Variants in NT5C1A observed in about 807,000 individuals in gnomAD.
The protein encoded by NT5C1A is 5'-nucleotidase, cytosolic IA.
Under a neutral mutation model 31.0 loss-of-function variants are expected in NT5C1A, and 18 were observed. The ratio of observed to expected loss-of-function variants is 0.58; its 90% CI spans 0.40 to 0.86. The LOEUF (loss-of-function observed/expected upper bound fraction) is 0.86, where lower values mean the gene tolerates loss of function less well. Ranked by LOEUF, NT5C1A falls within the 40% of genes least tolerant of loss-of-function variation. The pLI is 0.00. For missense variants in NT5C1A, 470 were observed against 505.4 expected, an observed-to-expected ratio of 0.93 and a Z score of 0.67; for synonymous variants, 185 against 203.6, an observed-to-expected ratio of 0.91 and a Z score of 0.78.
At chr1:39,668,542 G>GTTTCT (rs1400495841) in intron 1 of NT5C1A, among the ~76,000 whole-genome samples, 1 of 152,190 alleles carries the variant, frequency 6.6e-6, no homozygotes, top group African/African-American at 2.4e-5. Context: ...GGCCCAGAAA[G>GTTTCT]GGGCCTGTTA....
Position 39,665,532 on chromosome 1 carries a change from A to G in NT5C1A, c.422T>C (p.Ile141Thr). The G allele has an allele frequency of 6.2e-7, 1 of 1,612,868 alleles. No homozygotes were observed. The highest frequency in any genetic ancestry group is 8.5e-7 in the Non-Finnish European group (1 of 1,179,652). Residue 141 changes from isoleucine (I) to threonine (T), a missense_variant, in exon 3 of 6, where the codon ATC (isoleucine) becomes ACC (threonine). Transcript: ENST00000235628. Reference protein sequence around the residue: ...AQVGVRLINSINHYDLFIERF... With the variant: ...AQVGVRLINSTNHYDLFIERF... ...ATGCTCATGCTCACCATAGTGGTTG[A>G]TACTGTTGATGAGGCGGACACCCAC...
Position 39,653,897 on chromosome 1 carries a change from C to A in NT5C1A, c.*5224G>T, listed in dbSNP as rs1646446960. 6.6e-6 allele frequency among the ~76,000 whole-genome samples: 1 copy of A among 152,164 alleles called. No homozygotes were observed. The highest frequency in any genetic ancestry group is 2.1e-4 in the South Asian group (1 of 4,818). On this transcript the variant is annotated 3_prime_UTR_variant, in exon 6 of 6. Transcript: ENST00000235628. ...GGATGAACATTCTGGGCCTTGCATG[C>A]CTCTTGGATAGCAAAACCCAACACC... is the stretch of plus-strand genomic sequence containing the variant.
rs532754599 is a variant in NT5C1A at position 39,657,646 on chromosome 1, G to A, written c.*1475C>T. 6.6e-5 allele frequency among the ~76,000 whole-genome samples: 10 copies of A among 152,180 alleles called. No homozygotes were observed. The highest frequency in any genetic ancestry group is 1.5e-4 in the Non-Finnish European group (10 of 68,038). ...AAAGGAGGAGGCTGACTCATCAAGC[G>A]GTGAGAGTTCTCCTCTGAAAGTGGT... is the stretch of plus-strand genomic sequence containing the variant. On this transcript the variant is annotated 3_prime_UTR_variant, in exon 6 of 6. Transcript: ENST00000235628.
rs1018271831 is a variant in NT5C1A at position 39,657,975 on chromosome 1, G to A, written c.*1146C>T. On this transcript the variant is annotated 3_prime_UTR_variant, in exon 6 of 6. Coordinates refer to ENST00000235628, the MANE Select transcript of NT5C1A (RefSeq NM_032526.3). ...ACCCTGGGGCTCAGCCTGGACAACC[G>A]CCTACCTCAGCCACTGCACTTTCTT... Among the ~76,000 whole-genome samples, 4 of 152,074 alleles carry A rather than the reference G, an allele frequency of 2.6e-5. No individual in the cohort carries two copies. Among genetic ancestry groups the A allele is most frequent in the African/African-American group, 7.2e-5 (3 of 41,404 alleles).
intron 1 of NT5C1A, among the ~76,000 whole-genome samples, chr1:39,669,732 C>T (rs778467785): frequency 6.6e-6 from 1 of 152,194 alleles, no homozygotes; most frequent in Non-Finnish European, 1.5e-5. Context: ...TTCACTGCCC[C>T]AGTCCCCAGT....
At chr1:39,667,942 A>G (rs1490598284) in intron 1 of NT5C1A, among the ~76,000 whole-genome samples, 1 of 152,212 alleles carries the variant, frequency 6.6e-6, no homozygotes, top group Non-Finnish European at 1.5e-5. Flanking sequence ...TTAGAACCTT[A>G]TAATAGGAGT....
At position 39,654,221 on chromosome 1, in the gene NT5C1A, C is replaced by T. The variant is rs1459912160; in HGVS notation, c.*4900G>A. Among the ~76,000 whole-genome samples the T allele has an allele frequency of 6.6e-6, 1 of 151,958 alleles. No homozygotes were observed. The highest frequency in any genetic ancestry group is 1.5e-5 in the Non-Finnish European group (1 of 68,032). ...TGTTTATTGCTCACGTGCCTTCATG[C>T]CACAAGAAACTGCCATTCCAGCTGT... is the stretch of plus-strand genomic sequence containing the variant. On this transcript the variant is annotated 3_prime_UTR_variant, in exon 6 of 6. Coordinates refer to ENST00000235628, the MANE Select transcript of NT5C1A (RefSeq NM_032526.3).
intron 3 of NT5C1A, among the ~76,000 whole-genome samples, chr1:39,664,492 T>TCC (rs368000387): frequency 0.073 from 44 of 604 alleles, no homozygotes; most frequent in Non-Finnish European, 0.095. Context: ...GGATTTCTCC[T>TCC]CCTCTCCTCT....
chr1:39,668,483 C>T (rs1422221589), intron 1 of NT5C1A, among the ~76,000 whole-genome samples: 3 of 152,186 alleles, frequency 2.0e-5, no homozygotes, highest in Non-Finnish European at 4.4e-5. Context: ...GTCCTGGTTG[C>T]ATTGGCCCCA....
chr1:39,663,980 G>C (rs1213113529), intron 3 of NT5C1A, among the ~76,000 whole-genome samples: 2 of 152,140 alleles, frequency 1.3e-5, no homozygotes, highest in Admixed American at 6.5e-5. Flanking sequence ...GCACTATAGG[G>C]AGAGTCTGTC....
Position 39,666,064 on chromosome 1 carries a change from C to G in NT5C1A, c.303+5G>C. 6.2e-7 allele frequency: 1 copy of G among 1,611,328 alleles called. No homozygotes were observed. The highest frequency in any genetic ancestry group is 8.5e-7 in the Non-Finnish European group (1 of 1,178,786). ...TATGAGCTAGTGGTGGAACTGCTCC[C>G]TCACCTTCACAAAAGGGAAGGCTGG... is the stretch of plus-strand genomic sequence containing the variant. On this transcript the variant is annotated splice_donor_5th_base_variant and intron_variant, in intron 2 of 5. Transcript: ENST00000235628.
chr1:39,653,097 C>T lies in NT5C1A; in HGVS notation c.*6024G>A, dbSNP rs1329885460. On this transcript the variant is annotated 3_prime_UTR_variant, in exon 6 of 6. Transcript: ENST00000235628. ...GGCACTGTTAGGGGGAGGGAAGAAA[C>T]AAATGGAGATGATGAGGCAGGTATA... Among the ~76,000 whole-genome samples, 2 of 152,086 alleles carry T rather than the reference C, an allele frequency of 1.3e-5. No homozygotes were observed. Among genetic ancestry groups the T allele is most frequent in the Non-Finnish European group, 2.9e-5 (2 of 68,010 alleles).
Position 39,666,182 on chromosome 1 carries a change from T to C in NT5C1A, c.190A>G (p.Met64Val), listed in dbSNP as rs1646521066. 6.4e-7 allele frequency: 1 copy of C among 1,565,092 alleles called. No individual in the cohort carries two copies. The highest frequency in any genetic ancestry group is 8.6e-7 in the Non-Finnish European group (1 of 1,156,680). ...GTGTAGATCTGCTGCTCCTCGTCCA[T>C]GCGAAACAAGGCTCGGGAGGACACA... ...IAVSSRALFR[M>V]DEEQQIYTEQ... The change falls in exon 2 of 6, where the codon ATG becomes GTG. Residue 64 changes from methionine (M) to valine (V), a missense_variant. By Grantham distance (21) the Met-to-Val change is conservative. Transcript: ENST00000235628.
At position 39,664,562 on chromosome 1, in the gene NT5C1A, G is replaced by A. The variant is rs551083382; in HGVS notation, c.433+959C>T. 3.2e-4 allele frequency among the ~76,000 whole-genome samples: 26 copies of A among 81,810 alleles called. No homozygotes were observed. In the East Asian group the frequency reaches 8.1e-3, roughly 25 times the overall value. The allele number at this position is 81,810 out of a possible 152,430, so 53.7% of individuals were successfully genotyped here. A position where few individuals can be genotyped will look rare whatever the true frequency, so the allele number is the denominator to read the frequency against. Reference sequence around the variant, plus strand: ...GGCTGGAGTGCAGTGGGGTGATCTCGGCTCATTGCAACCTCTGCCTCCCGG... The same window carrying A: ...GGCTGGAGTGCAGTGGGGTGATCTCAGCTCATTGCAACCTCTGCCTCCCGG... On this transcript the variant is annotated intron_variant, in intron 3 of 5. Transcript: ENST00000235628.
chr1:39,670,128 A>G (rs559597105), intron 1 of NT5C1A, among the ~76,000 whole-genome samples: 3 of 152,328 alleles, frequency 2.0e-5, no homozygotes, highest in Admixed American at 6.5e-5. Context: ...TTTATTTATT[A>G]TAAAGTCAAC....
In NT5C1A at chr1:39,663,546, A is replaced by G. The variant is rs574368901; in HGVS notation, c.434-112T>C. 9 of 1,049,532 alleles carry G rather than the reference A, an allele frequency of 8.6e-6. No individual in the cohort carries two copies. In the Admixed American group the frequency reaches 9.6e-5, roughly 11 times the overall value. The allele number at this position is 1,049,532 out of a possible 1,614,324, so 65.0% of individuals were successfully genotyped here. ...AGTTCTGGGTGTGGTACGGCAGCAC[A>G]GCGTGTCTCAGTGTAATTTTAGGCC... On this transcript the variant is annotated intron_variant, in intron 3 of 5. Transcript: ENST00000235628.
intron 1 of NT5C1A, among the ~76,000 whole-genome samples, chr1:39,668,304 A>G: frequency 6.6e-6 from 1 of 152,092 alleles, no homozygotes; most frequent in Non-Finnish European, 1.5e-5. Context: ...TCCCAGCCCC[A>G]TTAGGCAGGT....
Position 39,666,184 on chromosome 1 carries a change from C to T in NT5C1A, c.188G>A (p.Arg63His), listed in dbSNP as rs955631482. The change falls in exon 2 of 6, where the codon CGC becomes CAC. Residue 63 changes from arginine (R) to histidine (H), a missense_variant. Transcript: ENST00000235628. ...GTAGATCTGCTGCTCCTCGTCCATG[C>T]GAAACAAGGCTCGGGAGGACACAGC... is the stretch of plus-strand genomic sequence containing the variant. ...TIAVSSRALFRMDEEQQIYTE... is the reference protein window; with the variant it reads ...TIAVSSRALFHMDEEQQIYTE... The T allele has an allele frequency of 7.0e-6, 11 of 1,573,898 alleles. No individual in the cohort carries two copies. The highest frequency in any genetic ancestry group is 1.5e-5 in the African/African-American group (1 of 65,598).
rs745603019 is a variant in NT5C1A, at chr1:39,663,413, C to G, written c.455G>C (p.Cys152Ser). Residue 152 changes from cysteine (C) to serine (S), a missense_variant, in exon 4 of 6, where the codon TGC (cysteine) becomes TCC (serine). Transcript: ENST00000235628. ...NHYDLFIERFCMTGGNSPICY... is the reference protein window; with the variant it reads ...NHYDLFIERFSMTGGNSPICY... Reference sequence around the variant, plus strand: ...GATCGGGCTGTTCCCACCTGTCATGCAGAACCTCTCGATGAACAGGTCTGG... The same window carrying G: ...GATCGGGCTGTTCCCACCTGTCATGGAGAACCTCTCGATGAACAGGTCTGG... The G allele has an allele frequency of 6.2e-7, 1 of 1,614,112 alleles. No homozygotes were observed. The highest frequency in any genetic ancestry group is 8.5e-7 in the Non-Finnish European group (1 of 1,180,026).
Sources: gnomAD v4.1 joint callset for allele counts (sites outside exome capture counted in the v4.1 genomes callset) on GRCh38, gnomAD v4.1.1 for gene constraint, MANE v1.5 for transcripts, NCBI Gene and HGNC (gene_info 2026-07-23, HGNC 2026-07-21) for gene names.